Variants in SREK1 observed in about 807,000 individuals in gnomAD.
SREK1 encodes the protein splicing regulatory glutamine/lysine-rich protein 1.
In SREK1, 13 loss-of-function variants were observed where a neutral mutation model predicts 66.5. The observed-to-expected ratio is 0.20, with a 90% confidence interval of 0.13 to 0.31. SREK1 has a LOEUF of 0.31. Ranked by LOEUF, SREK1 falls within the 10% of genes least tolerant of loss-of-function variation. SREK1 has a pLI of 1.00. For missense variants in SREK1, 607 were observed against 769.6 expected (o/e 0.79, Z 2.50); for synonymous variants, 265 against 263.5 (o/e 1.01, Z -0.05).
chr5:66,146,347 ATAT>A (rs1050159744), intron 1 of SREK1, among the ~76,000 whole-genome samples: 41 of 152,292 alleles, frequency 2.7e-4, no homozygotes, highest in African/African-American at 8.9e-4. Context: ...TATCAACATA[ATAT>A]TTATTTGGTT....
At chr5:66,173,431 A>G (rs1745810771) in intron 9 of SREK1, among the ~76,000 whole-genome samples, 1 of 152,148 alleles carries the variant, frequency 6.6e-6, no homozygotes, top group Admixed American at 6.5e-5. Flanking sequence ...ATCCTCAACA[A>G]CCTAATAAAA....
chr5:66,165,568 A>T (rs1322004338), intron 7 of SREK1: 1 of 152,122 alleles, frequency 6.6e-6, no homozygotes, highest in Non-Finnish European at 1.5e-5. Context: ...TATAAAGGGG[A>T]CCTTAAAATG....
rs1303145259 is a variant in SREK1, at chr5:66,179,243, G to C, written c.*375G>C. 6.4e-6 allele frequency: 1 copy of C among 156,462 alleles called. No homozygotes were observed. Among genetic ancestry groups the C allele is most frequent in the African/African-American group, 2.4e-5 (1 of 41,514 alleles). 9.7% of individuals were successfully genotyped at this position (156,462 alleles called of 1,614,324 possible). A position where few individuals can be genotyped will look rare whatever the true frequency, so the allele number is the denominator to read the frequency against. On this transcript the variant is annotated 3_prime_UTR_variant, in exon 12 of 12. Coordinates refer to ENST00000334121, the MANE Select transcript of SREK1 (RefSeq NM_001077199.3). ...TTGGAGGCTCTTTTAAAAAATGCTAGTTACTGAATTTTGTATTGTTTTACT... is the reference window on the plus strand; with the variant it reads ...TTGGAGGCTCTTTTAAAAAATGCTACTTACTGAATTTTGTATTGTTTTACT...
chr5:66,144,609 G>A, intron 1 of SREK1, 72 bp downstream of exon 1: 1 of 1,477,972 alleles, frequency 6.8e-7, no homozygotes, highest in Non-Finnish European at 9.0e-7. Flanking sequence ...GCGTGGAGGA[G>A]AGCGCGGACG....
At chr5:66,145,967 A>G (rs1298518829) in intron 1 of SREK1, among the ~76,000 whole-genome samples, 3 of 151,868 alleles carry the variant, frequency 2.0e-5, no homozygotes, top group African/African-American at 4.8e-5. Flanking sequence ...TAGATGAGAT[A>G]TATAGATGAG....
chr5:66,156,552 T>G, intron 2 of SREK1: 1 of 986,202 alleles, frequency 1.0e-6, no homozygotes, highest in South Asian at 4.7e-5. Context: ...AGGAACACTT[T>G]CTGATCTCAG....
intron 1 of SREK1, among the ~76,000 whole-genome samples, chr5:66,152,526 TGTA>T (rs1325499000): frequency 3.3e-5 from 5 of 152,238 alleles, no homozygotes; most frequent in South Asian, 2.1e-4. Context: ...GTTCTGGAAT[TGTA>T]GTCAGTTTTC....
chr5:66,165,933 T>C (rs1038768458), intron 7 of SREK1: 22 of 152,330 alleles, frequency 1.4e-4, no homozygotes, highest in African/African-American at 5.1e-4. Context: ...AATAGGATGT[T>C]CTTTCTTAGA....
At chr5:66,158,573 G>C (rs972521869) in intron 2 of SREK1, 78 of 217,450 alleles carry the variant, frequency 3.6e-4, no homozygotes, top group African/African-American at 1.8e-3. Flanking sequence ...CATGGAGTAA[G>C]TTTTTGTTTT....
intron 1 of SREK1, among the ~76,000 whole-genome samples, chr5:66,149,265 G>A (rs574414800): frequency 6.6e-6 from 1 of 152,110 alleles, no homozygotes; most frequent in Admixed American, 6.5e-5. Flanking sequence ...CAGGAGAATC[G>A]CATGAACCCG....
At chr5:66,167,477 A>G (rs1745269860) in intron 7 of SREK1, 1 of 152,216 alleles carries the variant, frequency 6.6e-6, no homozygotes, top group South Asian at 2.1e-4. Flanking sequence ...TAAAAATAAG[A>G]TTTTGCATTA....
intron 7 of SREK1, 141 bp from the exon 8 acceptor site, chr5:66,169,910 G>A: frequency 1.7e-6 from 1 of 571,860 alleles, no homozygotes; most frequent in Non-Finnish European, 2.8e-6. Context: ...TCCAGTAAAT[G>A]TATTTCAGAT....
intron 1 of SREK1, among the ~76,000 whole-genome samples, chr5:66,148,026 T>C (rs935547200): frequency 6.6e-6 from 1 of 152,054 alleles, no homozygotes; most frequent in Non-Finnish European, 1.5e-5. Context: ...TTTGATTGCT[T>C]TTTTTGGTAT....
In SREK1 at chr5:66,144,368, G is replaced by C; in HGVS notation, c.-9G>C. 1.3e-6 allele frequency: 2 copies of C among 1,534,092 alleles called. No homozygotes were observed. The highest frequency in any genetic ancestry group is 1.8e-6 in the Non-Finnish European group (2 of 1,134,684). On this transcript the variant is annotated 5_prime_UTR_variant, in exon 1 of 12. Transcript: ENST00000334121. Reference sequence around the variant, plus strand: ...TGGGGAGCGGGAAGGCAACGGCAGCGGGATCGGGATGAACAGCGGCGGCGG... The same window carrying C: ...TGGGGAGCGGGAAGGCAACGGCAGCCGGATCGGGATGAACAGCGGCGGCGG...
chr5:66,144,715 C>A, intron 1 of SREK1, 178 bp downstream of exon 1: 1 of 1,311,334 alleles, frequency 7.6e-7, no homozygotes, highest in Non-Finnish European at 1.0e-6. Context: ...TCTCCTTAGT[C>A]GGATTTGGGG....
intron 10 of SREK1, 117 bp from the exon 11 acceptor site, chr5:66,177,397 A>T: frequency 2.3e-6 from 2 of 884,118 alleles, no homozygotes. Context: ...CTTACTGTTG[A>T]TGCTTATTAA....
At chr5:66,171,825 C>G (rs1745665366) in intron 9 of SREK1, among the ~76,000 whole-genome samples, 3 of 152,216 alleles carry the variant, frequency 2.0e-5, no homozygotes, top group Admixed American at 2.0e-4. Context: ...TTACTGTATG[C>G]CAGACATGAT....
At position 66,181,047 on chromosome 5, in the gene SREK1, GTTTC is replaced by G. The variant is rs773408766; in HGVS notation, c.*2183_*2186del. ...TTCTTGTACTCTGGACCTATTACAT[GTTTC>G]TTTATGTTGGTAATTAACATTTAAT... On this transcript the variant is annotated 3_prime_UTR_variant, in exon 12 of 12. Transcript: ENST00000334121. The G allele has an allele frequency of 2.0e-5, 3 of 152,126 alleles. No homozygotes were observed. Among genetic ancestry groups the G allele is most frequent in the Non-Finnish European group, 4.4e-5 (3 of 68,014 alleles). 9.4% of individuals were successfully genotyped at this position (152,126 alleles called of 1,614,324 possible). A position where few individuals can be genotyped will look rare whatever the true frequency, so the allele number is the denominator to read the frequency against.
At chr5:66,171,152 G>A (rs1745613170) in intron 9 of SREK1, among the ~76,000 whole-genome samples, 1 of 152,102 alleles carries the variant, frequency 6.6e-6, no homozygotes, top group African/African-American at 2.4e-5. Context: ...AAGAGTTTTA[G>A]CTATTCTTTG....
Sources: gnomAD v4.1 joint callset for allele counts (sites outside exome capture counted in the v4.1 genomes callset) on GRCh38, gnomAD v4.1.1 for gene constraint, MANE v1.5 for transcripts, NCBI Gene and HGNC (gene_info 2026-07-23, HGNC 2026-07-21) for gene names.